Variants in CHD9 observed in about 807,000 individuals in gnomAD.
The protein encoded by CHD9 is ATP-dependent chromatin remodeler CHD9.
In CHD9, 77 loss-of-function variants were observed where a neutral mutation model predicts 316.1. The ratio of observed to expected loss-of-function variants is 0.24; its 90% confidence interval spans 0.20 to 0.29. CHD9 has a LOEUF of 0.29. Among genes scored for constraint, CHD9 ranks in the 10% least tolerant of loss-of-function variants. The pLI is 1.00. For synonymous variants in CHD9, 1,129 were observed against 1,158.3 expected, an observed-to-expected ratio of 0.97 and a Z score of 0.51; for missense variants, 2,763 against 3,438.1, an observed-to-expected ratio of 0.80 and a Z score of 4.91.
At position 53,304,543 on chromosome 16, in the gene CHD9, T is replaced by TTCCTCCACC; in HGVS notation, c.6540_6548dup (p.Thr2182_Ser2184dup). ...GTTCTTCAGCATCTTCTTCATCCTCTTCCTCCACCTCTTCCTCCTCCTCCT... is the reference window on the plus strand; with the variant it reads ...GTTCTTCAGCATCTTCTTCATCCTCTTCCTCCACCTCCTCCACCTCTTCCTCCTCCTCCT... On this transcript the variant is annotated inframe_insertion, in exon 31 of 39. Transcript: ENST00000447540. 6.5e-7 allele frequency: 1 copy of TTCCTCCACC among 1,544,922 alleles called. No individual in the cohort carries two copies.
chr16:53,113,246 C>T (rs1457615660), intron 1 of CHD9, among the ~76,000 whole-genome samples: 1 of 151,884 alleles, frequency 6.6e-6, no homozygotes, highest in East Asian at 1.9e-4. Context: ...AGTCTTATTT[C>T]ACAGACAAGA....
At chr16:53,235,102 G>A (rs1389984408) in intron 10 of CHD9, 83 bp from the exon 11 acceptor site, 3 of 1,145,892 alleles carry the variant, frequency 2.6e-6, no homozygotes, top group African/African-American at 3.1e-5. Flanking sequence ...GCCTCTTAGG[G>A]TTATTTTTAA....
chr16:53,253,136 G>C (rs1034322089), intron 17 of CHD9, among the ~76,000 whole-genome samples: 9 of 152,072 alleles, frequency 5.9e-5, no homozygotes, highest in Admixed American at 5.2e-4. Flanking sequence ...TAGCAAAATT[G>C]TGGAACCAAC....
chr16:53,270,598 T>A (rs934692727), intron 22 of CHD9, among the ~76,000 whole-genome samples: 2 of 152,148 alleles, frequency 1.3e-5, no homozygotes, highest in African/African-American at 4.8e-5. Flanking sequence ...GAGTTGATAA[T>A]TATTGAATGT....
intron 1 of CHD9, among the ~76,000 whole-genome samples, chr16:53,089,392 G>A (rs1297821866): frequency 6.6e-6 from 1 of 152,236 alleles, no homozygotes; most frequent in South Asian, 2.1e-4. Flanking sequence ...CATTATTGAA[G>A]ATCATAAAAC....
chr16:53,149,402 T>C (rs1954584974), intron 1 of CHD9, among the ~76,000 whole-genome samples: 1 of 152,172 alleles, frequency 6.6e-6, no homozygotes, highest in Non-Finnish European at 1.5e-5. Context: ...TGTAGAATTA[T>C]TTGTTTTTCC....
intron 24 of CHD9, among the ~76,000 whole-genome samples, chr16:53,276,264 C>G (rs969798712): frequency 4.6e-5 from 7 of 152,152 alleles, no homozygotes; most frequent in African/African-American, 1.7e-4. Flanking sequence ...TTACTTCTTC[C>G]CTGCACCTAA....
rs945785210 is a variant in CHD9, at chr16:53,198,126, G to C, written c.1453-11356G>C. 2.0e-5 allele frequency among the ~76,000 whole-genome samples: 3 copies of C among 151,992 alleles called. No homozygotes were observed. The East Asian group carries it at 5.8e-4, about 29-fold the overall frequency. On this transcript the variant is annotated intron_variant, in intron 2 of 38. Transcript: ENST00000447540. ...CTTTAGAGCCTTCCAAAAGCAATATGAACAGAGTGTTTGGGAGGGGGTTCT... is the reference window on the plus strand; with the variant it reads ...CTTTAGAGCCTTCCAAAAGCAATATCAACAGAGTGTTTGGGAGGGGGTTCT...
chr16:53,106,770 AAAG>A (rs1322478338), intron 1 of CHD9, among the ~76,000 whole-genome samples: 2 of 152,176 alleles, frequency 1.3e-5, no homozygotes, highest in Admixed American at 6.5e-5. Flanking sequence ...AGATTTTAAA[AAAG>A]AAGGAGGAGG....
At chr16:53,147,573 T>G (rs907459052) in intron 1 of CHD9, among the ~76,000 whole-genome samples, 1 of 152,230 alleles carries the variant, frequency 6.6e-6, no homozygotes, top group African/African-American at 2.4e-5. Context: ...CTCTGTGAAT[T>G]TTCCCATTCT....
rs1332896340 is a variant in CHD9 at position 53,156,364 on chromosome 16, A to G, written c.275A>G (p.His92Arg). ...VNQSFGSPAE[H>R]VLSPHSQFNC... ...CAATCTTTTGGTAGCCCAGCTGAACATGTGTTATCTCCACACTCTCAGTTT... is the reference window on the plus strand; with the variant it reads ...CAATCTTTTGGTAGCCCAGCTGAACGTGTGTTATCTCCACACTCTCAGTTT... The change falls in exon 2 of 39, where the codon CAT becomes CGT. Residue 92 changes from histidine to arginine, a missense_variant. Around this residue, in one of 15 missense-constraint regions of CHD9, gnomAD observed 859 missense variants for 890.4 expected, o/e 0.96. Transcript: ENST00000447540. 7.4e-6 allele frequency: 12 copies of G among 1,614,012 alleles called. No homozygotes were observed. The highest frequency in any genetic ancestry group is 4.5e-5 in the East Asian group (2 of 44,884).
At chr16:53,323,536 C>T (rs2057400979) in intron 38 of CHD9, among the ~76,000 whole-genome samples, 1 of 152,206 alleles carries the variant, frequency 6.6e-6, no homozygotes, top group African/African-American at 2.4e-5. Flanking sequence ...TCTTTTTGAG[C>T]ATGGCTCTAT....
rs1411706022 is a variant in CHD9 at position 53,325,180 on chromosome 16, GA to G, written c.*286del. The G allele has an allele frequency of 2.0e-5, 5 of 252,608 alleles. No individual in the cohort carries two copies. The highest frequency in any genetic ancestry group is 3.8e-5 in the Non-Finnish European group (5 of 131,378). The allele number at this position is 252,608 out of a possible 1,614,324, so 15.6% of individuals were successfully genotyped here. A position where few individuals can be genotyped will look rare whatever the true frequency, so the allele number is the denominator to read the frequency against. ...ATTTTATGAAAATTATGCTCAATAA[GA>G]GTTGTATATTTAATATATTTGCAGT... On this transcript the variant is annotated 3_prime_UTR_variant, in exon 39 of 39. Transcript: ENST00000447540.
intron 37 of CHD9, among the ~76,000 whole-genome samples, chr16:53,320,626 G>A (rs2057212413): frequency 6.6e-6 from 1 of 152,102 alleles, no homozygotes; most frequent in African/African-American, 2.4e-5. Context: ...TATAGAAGAA[G>A]AAATTACTCA....
At chr16:53,279,277 A>G (rs1444481583) in intron 24 of CHD9, among the ~76,000 whole-genome samples, 1 of 151,320 alleles carries the variant, frequency 6.6e-6, no homozygotes, top group Non-Finnish European at 1.5e-5. Context: ...ACCAAACACC[A>G]CATGTTCTCA....
intron 1 of CHD9, among the ~76,000 whole-genome samples, chr16:53,143,066 A>T (rs1027946088): frequency 2.0e-5 from 3 of 152,180 alleles, no homozygotes; most frequent in African/African-American, 7.2e-5. Flanking sequence ...CTGTGATAAC[A>T]TTAATCCATT....
intron 2 of CHD9, among the ~76,000 whole-genome samples, chr16:53,186,970 G>A (rs1383359912): frequency 6.6e-6 from 1 of 152,068 alleles, no homozygotes; most frequent in Non-Finnish European, 1.5e-5. Flanking sequence ...TATAGCAGTG[G>A]GAGAACAGAC....
In CHD9 at chr16:53,155,991, G is replaced by C; in HGVS notation, c.-99G>C. ...ATGAATATTGACCTGTTTTGGATTA[G>C]TTGATGACCTTCGGAAATGATCCAA... is the stretch of plus-strand genomic sequence containing the variant. On this transcript the variant is annotated 5_prime_UTR_variant, in exon 2 of 39. Coordinates refer to ENST00000447540, the MANE Select transcript of CHD9 (RefSeq NM_001308319.2). 8.8e-7 allele frequency: 1 copy of C among 1,138,646 alleles called. No homozygotes were observed. Among genetic ancestry groups the C allele is most frequent in the Non-Finnish European group, 1.2e-6 (1 of 810,128 alleles). 70.5% of individuals were successfully genotyped at this position (1,138,646 alleles called of 1,614,324 possible). A position where few individuals can be genotyped will look rare whatever the true frequency, so the allele number is the denominator to read the frequency against.
chr16:53,305,518 A>G (rs926651518), intron 31 of CHD9, among the ~76,000 whole-genome samples: 2 of 152,220 alleles, frequency 1.3e-5, no homozygotes, highest in Admixed American at 1.3e-4. Flanking sequence ...TTTATTTGTG[A>G]TTGTCTTAAA....
Sources: gnomAD v4.1 joint callset for allele counts (sites outside exome capture counted in the v4.1 genomes callset) on GRCh38, gnomAD v4.1.1 for gene constraint, gnomAD v4.1.1 regional missense constraint, MANE v1.5 for transcripts, NCBI Gene and HGNC (gene_info 2026-07-23, HGNC 2026-07-21) for gene names.